Variants in SLC35E4 observed in about 807,000 individuals in gnomAD.
The protein encoded by SLC35E4 is solute carrier family 35, member E4.
SLC35E4 carries 15 observed loss-of-function variants against 19.3 expected under a neutral mutation model. That is an observed-to-expected ratio of 0.78 (90% CI 0.52 to 1.20). The LOEUF is 1.20. SLC35E4 is among the 50% of genes most tolerant of loss of function. SLC35E4 has a pLI of 0.00. For synonymous variants in SLC35E4, 219 were observed against 219.9 expected (o/e 1.00, Z 0.04); for missense variants, 406 against 472.3 (o/e 0.86, Z 1.30).
Position 30,637,029 on chromosome 22 carries a change from C to G in SLC35E4, c.579C>G (p.Leu193=). Residue 193 remains leucine (L), a synonymous_variant, in exon 1 of 2, where the codon CTC becomes CTG. Coordinates refer to ENST00000343605, the MANE Select transcript of SLC35E4 (RefSeq NM_001001479.4). ...CCCCTACCGGCTGTGGCTTCCTGCTCGCAGCCACCTGCCTCCGCGGACTCA... is the reference window on the plus strand; with the variant it reads ...CCCCTACCGGCTGTGGCTTCCTGCTGGCAGCCACCTGCCTCCGCGGACTCA... The part of the protein sequence containing the change: ...RTPPTGCGFL[L]AATCLRGLKS... 3.1e-6 allele frequency: 5 copies of G among 1,591,014 alleles called. No individual in the cohort carries two copies. The highest frequency in any genetic ancestry group is 3.4e-6 in the Non-Finnish European group (4 of 1,165,292).
intron 2 of SLC35E4, among the ~76,000 whole-genome samples, chr22:30,652,911 G>C (rs2088251043): frequency 6.6e-6 from 1 of 152,236 alleles, no homozygotes; most frequent in Admixed American, 6.5e-5. Context: ...GGATTACCAG[G>C]AAGATGGGAT....
At chr22:30,649,389 G>A, downstream of SLC35E4, 2 of 607,196 alleles carry the variant, frequency 3.3e-6, no homozygotes, top group Middle Eastern at 3.0e-4. Flanking sequence ...TGGAGACTGA[G>A]ATTCAGGGAG....
chr22:30,656,158 G>A lies in SLC35E4; in HGVS notation c.*9-5902G>A, dbSNP rs563997817. On this transcript the variant is annotated intron_variant, in intron 2 of 2. Coordinates refer to the SLC35E4 transcript ENST00000406566. ...TGGGCTTTTTTTTTTTAAACTTTTT[G>A]TAGAGAAGGAGTCTCACTATGTTGC... Among the ~76,000 whole-genome samples, 9 of 151,168 alleles carry A rather than the reference G, an allele frequency of 6.0e-5. No individual in the cohort carries two copies. The South Asian group carries it at 1.7e-3, about 28-fold the overall frequency.
downstream of SLC35E4, chr22:30,649,274 T>C (rs1040233131): frequency 1.5e-5 from 11 of 716,046 alleles, no homozygotes; most frequent in Non-Finnish European, 2.9e-5. Context: ...CAACTGGCTC[T>C]GCTTTTATCT....
At chr22:30,639,702 A>T (rs2088007036) in intron 1 of SLC35E4, among the ~76,000 whole-genome samples, 1 of 152,202 alleles carries the variant, frequency 6.6e-6, no homozygotes, top group Non-Finnish European at 1.5e-5. Flanking sequence ...GAAGAGAAAT[A>T]TGGCTCTGTT....
downstream of SLC35E4, among the ~76,000 whole-genome samples, chr22:30,651,397 G>GTGTGTA (rs2088210301): frequency 3.8e-5 from 2 of 52,638 alleles, no homozygotes; most frequent in Non-Finnish European, 5.8e-5. Flanking sequence ...GTGTGTGTGT[G>GTGTGTA]TGTATATATA....
exon 3 of SLC35E4, chr22:30,663,127 C>T (rs191779581): frequency 3.5e-6 from 1 of 289,214 alleles, no homozygotes; most frequent in Admixed American, 4.8e-5. Context: ...GGGAGGGCTG[C>T]AGGATTCCAG....
chr22:30,663,666 G>A (rs753195199), downstream of SLC35E4: 10 of 1,614,262 alleles, frequency 6.2e-6, no homozygotes, highest in South Asian at 1.1e-4. Context: ...GAGGCACAGG[G>A]CAGCTGAGCG....
intron 2 of SLC35E4, among the ~76,000 whole-genome samples, chr22:30,661,177 GA>G (rs992557234): frequency 2.6e-4 from 40 of 151,646 alleles, no homozygotes; most frequent in Admixed American, 1.6e-3. Flanking sequence ...TGAGCAATTG[GA>G]AAAAAAATCT....
chr22:30,636,407 C>G lies in SLC35E4; in HGVS notation c.-44C>G, dbSNP rs1173380925. 1.4e-6 allele frequency: 2 copies of G among 1,443,690 alleles called. No homozygotes were observed. Among genetic ancestry groups the G allele is most frequent in the African/African-American group, 2.9e-5 (2 of 69,890 alleles). 89.4% of individuals were successfully genotyped at this position (1,443,690 alleles called of 1,614,324 possible). A position where few individuals can be genotyped will look rare whatever the true frequency, so the allele number is the denominator to read the frequency against. On this transcript the variant is annotated 5_prime_UTR_variant, in exon 1 of 2. Transcript: ENST00000343605. ...CGGAACTCTCTGGTGGCCCAGAGGT[C>G]GTCACTGGGGAGCCCGCCTCCTGCC...
intron 2 of SLC35E4, among the ~76,000 whole-genome samples, chr22:30,655,657 A>G (rs746978336): frequency 1.2e-4 from 18 of 152,182 alleles, no homozygotes; most frequent in Non-Finnish European, 2.1e-4. Flanking sequence ...CAGCATAAAC[A>G]TGATGATGGA....
At chr22:30,646,497 G>A in intron 1 of SLC35E4, 101 bp from the exon 2 acceptor site, 1 of 1,368,810 alleles carries the variant, frequency 7.3e-7, no homozygotes, top group Non-Finnish European at 9.9e-7. Context: ...TGCCCGAGGG[G>A]TCCGGGTAGG....
chr22:30,637,155 C>T (rs765665009), intron 1 of SLC35E4, 86 bp downstream of exon 1: 541 of 1,487,796 alleles, frequency 3.6e-4, no homozygotes, highest in Middle Eastern at 6.0e-4. Flanking sequence ...TGGCTGTTGT[C>T]CCATTTTACA....
chr22:30,663,334 T>C, downstream of SLC35E4: 1 of 1,227,508 alleles, frequency 8.1e-7, no homozygotes, highest in Non-Finnish European at 1.1e-6. Flanking sequence ...ATCATCTGTT[T>C]TTTTCTGTAT....
downstream of SLC35E4, chr22:30,665,385 C>T (rs938906752): frequency 2.8e-6 from 1 of 352,478 alleles, no homozygotes; most frequent in Non-Finnish European, 5.8e-6. Flanking sequence ...TCTGAAGGGC[C>T]TCAGGTGAAC....
intron 1 of SLC35E4, among the ~76,000 whole-genome samples, chr22:30,640,878 C>T (rs1207550004): frequency 6.6e-6 from 1 of 152,170 alleles, no homozygotes; most frequent in African/African-American, 2.4e-5. Flanking sequence ...ACCAAGAGTG[C>T]TGGGCTGGGA....
downstream of SLC35E4, among the ~76,000 whole-genome samples, chr22:30,649,490 G>A (rs1353358809): frequency 4.0e-5 from 6 of 150,640 alleles, no homozygotes; most frequent in Admixed American, 4.0e-4. Context: ...GCCCACGGCG[G>A]GGTGGGAGTG....
downstream of SLC35E4, among the ~76,000 whole-genome samples, chr22:30,651,399 GTATATATATA>G (rs1427700463): frequency 4.1e-3 from 251 of 61,092 alleles, 5 homozygotes; most frequent in Non-Finnish European, 5.3e-3. Context: ...GTGTGTGTGT[GTATATATATA>G]TATATATATA....
At position 30,658,581 on chromosome 22, in the gene SLC35E4, C is replaced by G. The variant is rs533257122; in HGVS notation, c.*9-3479C>G. Among the ~76,000 whole-genome samples, 4 of 151,932 alleles carry G rather than the reference C, an allele frequency of 2.6e-5. No individual in the cohort carries two copies. In the South Asian group the frequency reaches 6.2e-4, roughly 24 times the overall value. ...TACACCCGCCATGGAGGGTGCGTAA[C>G]AAGCAGGGAGACTAAAGGACCCAAT... is the stretch of plus-strand genomic sequence containing the variant. On this transcript the variant is annotated intron_variant, in intron 2 of 2. Transcript: ENST00000406566.
Sources: allele counts gnomAD v4.1 joint callset (sites outside exome capture counted in the v4.1 genomes callset), GRCh38; gene constraint gnomAD v4.1.1; transcripts MANE v1.5; gene names NCBI Gene and HGNC (gene_info 2026-07-23, HGNC 2026-07-21).